VSTM2L: variants seen among roughly 807,000 people sequenced by gnomAD.
The protein encoded by VSTM2L is V-set and transmembrane domain-containing protein 2-like protein.
VSTM2L carries 9 observed loss-of-function variants against 19.9 expected under a neutral mutation model. The ratio of observed to expected loss-of-function variants is 0.45; its 90% CI spans 0.27 to 0.79. The LOEUF is 0.79. Ranked by LOEUF, VSTM2L falls within the 30% of genes least tolerant of loss-of-function variation. The probability of loss-of-function intolerance (pLI) is 0.15; values close to 1 mark genes in which losing one functional copy is unlikely to be tolerated. For synonymous variants in VSTM2L, 127 were observed against 133.8 expected, an observed-to-expected ratio of 0.95 and a Z score of 0.35; for missense variants, 286 against 295.5, an observed-to-expected ratio of 0.97 and a Z score of 0.24.
At chr20:37,907,919 G>A (rs1448411060) in intron 1 of VSTM2L, among the ~76,000 whole-genome samples, 2 of 152,140 alleles carry the variant, frequency 1.3e-5, no homozygotes, top group African/African-American at 4.8e-5. Flanking sequence ...TGAACTGTTG[G>A]TATCTCACCA....
At chr20:37,930,196 T>C (rs1272942045) in intron 1 of VSTM2L, among the ~76,000 whole-genome samples, 4 of 152,216 alleles carry the variant, frequency 2.6e-5, no homozygotes, top group Admixed American at 6.5e-5. Flanking sequence ...GGAAACCCCA[T>C]GAGCAGAGGA....
At chr20:37,912,568 C>G (rs2072786183) in intron 1 of VSTM2L, among the ~76,000 whole-genome samples, 1 of 152,120 alleles carries the variant, frequency 6.6e-6, no homozygotes, top group African/African-American at 2.4e-5. Flanking sequence ...TGAGAGGGAG[C>G]CTGGGGGCAG....
At chr20:37,912,198 G>A (rs112903479) in intron 1 of VSTM2L, among the ~76,000 whole-genome samples, 5,618 of 152,328 alleles carry the variant, frequency 0.037, 131 homozygotes, top group South Asian at 0.093. Context: ...CTTGTGGGAC[G>A]ACAGAGCCAG....
At position 37,925,397 on chromosome 20, in the gene VSTM2L, G is replaced by C. The variant is rs549131780; in HGVS notation, c.122-6238G>C. On this transcript the variant is annotated intron_variant, in intron 1 of 3. Transcript: ENST00000373461. ...GTACAGAGGAGCAGAGGCTCAGAGAGGGGAGAGAGTCTCTGGAAGTCACAC... is the reference window on the plus strand; with the variant it reads ...GTACAGAGGAGCAGAGGCTCAGAGACGGGAGAGAGTCTCTGGAAGTCACAC... 2.6e-5 allele frequency among the ~76,000 whole-genome samples: 4 copies of C among 152,296 alleles called. No individual in the cohort carries two copies. The South Asian group carries it at 8.3e-4, about 32-fold the overall frequency.
chr20:37,924,676 T>TTAG (rs1568838506), intron 1 of VSTM2L, among the ~76,000 whole-genome samples: 1 of 151,592 alleles, frequency 6.6e-6, no homozygotes, highest in African/African-American at 2.4e-5. Context: ...ATCATCATAA[T>TTAG]CAGCAGCAGC....
chr20:37,925,535 T>C (rs1170317280), intron 1 of VSTM2L, among the ~76,000 whole-genome samples: 1 of 151,926 alleles, frequency 6.6e-6, no homozygotes, highest in African/African-American at 2.4e-5. Flanking sequence ...CAGCTTGGGG[T>C]GGAGGTCGGG....
chr20:37,904,316 C>A (rs950456106), intron 1 of VSTM2L, among the ~76,000 whole-genome samples: 1 of 152,190 alleles, frequency 6.6e-6, no homozygotes, highest in Non-Finnish European at 1.5e-5. Flanking sequence ...TGCCATCCTT[C>A]CATAGGGTAC....
At position 37,931,709 on chromosome 20, in the gene VSTM2L, G is replaced by A. The variant is rs868797851; in HGVS notation, c.196G>A (p.Gly66Ser). 62 of 1,613,652 alleles carry A rather than the reference G, an allele frequency of 3.8e-5. No homozygotes were observed. Among genetic ancestry groups the A allele is most frequent in the Non-Finnish European group, 5.2e-5 (61 of 1,180,030 alleles). ...EDVEMACSFRGSGSPSYSLEI... is the reference protein window; with the variant it reads ...EDVEMACSFRSSGSPSYSLEI... ...CGTGGAGATGGCCTGCTCCTTCCGCGGCAGCGGCTCCCCCTCCTACTCGCT... is the reference window on the plus strand; with the variant it reads ...CGTGGAGATGGCCTGCTCCTTCCGCAGCAGCGGCTCCCCCTCCTACTCGCT... The change falls in exon 2 of 4, where the codon GGC becomes AGC. Residue 66 changes from glycine to serine, a missense_variant. Gly to Ser is a moderately conservative substitution (Grantham distance 56, BLOSUM62 0). Coordinates refer to ENST00000373461, the MANE Select transcript of VSTM2L (RefSeq NM_080607.3).
intron 1 of VSTM2L, among the ~76,000 whole-genome samples, chr20:37,922,925 C>T (rs550489594): frequency 1.9e-4 from 28 of 149,126 alleles, no homozygotes; most frequent in Non-Finnish European, 2.6e-4. Flanking sequence ...AATACAGATG[C>T]GCCCAATGCA....
chr20:37,903,611 C>T lies in VSTM2L; in HGVS notation c.121+140C>T, dbSNP rs6091466. On this transcript the variant is annotated intron_variant, in intron 1 of 3. Coordinates refer to ENST00000373461, the MANE Select transcript of VSTM2L (RefSeq NM_080607.3). ...GGGCGCCCCCTGCCGGCGCGGTGGA[C>T]CCGCCCTGGCACCCTGGCCCTGCAG... is the stretch of plus-strand genomic sequence containing the variant. The T allele has an allele frequency of 3.2e-6, 4 of 1,248,104 alleles. No individual in the cohort carries two copies. In the African/African-American group the frequency reaches 6.4e-5, roughly 20 times the overall value. 77.3% of individuals were successfully genotyped at this position (1,248,104 alleles called of 1,614,324 possible). A position where few individuals can be genotyped will look rare whatever the true frequency, so the allele number is the denominator to read the frequency against.
chr20:37,944,758 C>G lies in VSTM2L; in HGVS notation c.*505C>G, dbSNP rs563526579. 7.8e-5 allele frequency: 77 copies of G among 986,574 alleles called. No individual in the cohort carries two copies. The African/African-American group carries it at 1.2e-3, about 15-fold the overall frequency. 61.1% of individuals were successfully genotyped at this position (986,574 alleles called of 1,614,324 possible). A position where few individuals can be genotyped will look rare whatever the true frequency, so the allele number is the denominator to read the frequency against. ...TCCCCTGGTGAAGACCCAGGGAACCCAGGAGGGCCCTTCTGGGGCAGTGGC... is the reference window on the plus strand; with the variant it reads ...TCCCCTGGTGAAGACCCAGGGAACCGAGGAGGGCCCTTCTGGGGCAGTGGC... On this transcript the variant is annotated 3_prime_UTR_variant, in exon 4 of 4. Transcript: ENST00000373461.
intron 3 of VSTM2L, among the ~76,000 whole-genome samples, chr20:37,938,486 G>A (rs913338759): frequency 6.6e-6 from 1 of 152,186 alleles, no homozygotes; most frequent in Non-Finnish European, 1.5e-5. Flanking sequence ...CCACGTGAAG[G>A]CAAGGGTTGG....
intron 1 of VSTM2L, among the ~76,000 whole-genome samples, chr20:37,930,286 G>A (rs2072901130): frequency 6.6e-6 from 1 of 152,204 alleles, no homozygotes; most frequent in Admixed American, 6.5e-5. Flanking sequence ...GGATGAGAGA[G>A]GTGGCCCCAG....
At chr20:37,931,302 CCTT>C (rs1568840834) in intron 1 of VSTM2L, among the ~76,000 whole-genome samples, 4 of 152,168 alleles carry the variant, frequency 2.6e-5, no homozygotes, top group African/African-American at 9.7e-5. Flanking sequence ...TCCTCCCTGG[CCTT>C]CTTGCTGTCC....
chr20:37,944,499 C>T lies in VSTM2L; in HGVS notation c.*246C>T, dbSNP rs1267088196. The T allele has an allele frequency of 1.2e-5, 15 of 1,242,474 alleles. No individual in the cohort carries two copies. The highest frequency in any genetic ancestry group is 9.6e-5 in the East Asian group (3 of 31,280). The allele number at this position is 1,242,474 out of a possible 1,614,324, so 77.0% of individuals were successfully genotyped here. On this transcript the variant is annotated 3_prime_UTR_variant, in exon 4 of 4. Coordinates refer to ENST00000373461, the MANE Select transcript of VSTM2L (RefSeq NM_080607.3). ...TGGCCCTGGGCACCAAGGGGCCAAC[C>T]GCCCTGAACACTGGGGCAGGGACCA...
At chr20:37,915,310 C>T (rs1055428745) in intron 1 of VSTM2L, among the ~76,000 whole-genome samples, 1 of 152,180 alleles carries the variant, frequency 6.6e-6, no homozygotes, top group Non-Finnish European at 1.5e-5. Context: ...GCTCTGTGCT[C>T]TTGGCCTGTG....
In VSTM2L at chr20:37,934,302, G is replaced by A. The variant is rs180822814; in HGVS notation, c.342+713G>A. Among the ~76,000 whole-genome samples, 118 of 152,320 alleles carry A rather than the reference G, an allele frequency of 7.7e-4. 1 individual carries two copies. The highest frequency in any genetic ancestry group is 4.3e-4 in the Non-Finnish European group (29 of 68,036). ...AGGGGGCACCCAAAGCCAGTCCTGG[G>A]AGAGGCAGACAGGAGACAGGAGGTG... On this transcript the variant is annotated intron_variant, in intron 3 of 3. Coordinates refer to ENST00000373461, the MANE Select transcript of VSTM2L (RefSeq NM_080607.3).
At position 37,944,176 on chromosome 20, in the gene VSTM2L, G is replaced by A. The variant is rs757359740; in HGVS notation, c.538G>A (p.Ala180Thr). The A allele has an allele frequency of 5.0e-6, 7 of 1,400,450 alleles. No homozygotes were observed. The highest frequency in any genetic ancestry group is 3.0e-5 in the African/African-American group (2 of 67,424). 86.8% of individuals were successfully genotyped at this position (1,400,450 alleles called of 1,614,324 possible). The change falls in exon 4 of 4, where the codon GCG (alanine) becomes ACG (threonine). Residue 180 changes from alanine to threonine, a missense_variant. Transcript: ENST00000373461. ...GCATCTGCCCGAAGCCCCTCCCGCC[G>A]CGCCCGCCCCGCCGCCCCCCAAGCC... ...VLHLPEAPPAAPAPPPPKPGK... is the reference protein window; with the variant it reads ...VLHLPEAPPATPAPPPPKPGK...
At chr20:37,924,451 G>A (rs1243954398) in intron 1 of VSTM2L, among the ~76,000 whole-genome samples, 3 of 151,318 alleles carry the variant, frequency 2.0e-5, no homozygotes, top group African/African-American at 4.9e-5. Context: ...CTACTCGAGA[G>A]GCTGAGGCAG....
Sources: gnomAD v4.1 joint callset for allele counts (sites outside exome capture counted in the v4.1 genomes callset) on GRCh38, gnomAD v4.1.1 for gene constraint, MANE v1.5 for transcripts, NCBI Gene and HGNC (gene_info 2026-07-23, HGNC 2026-07-21) for gene names.